Variants in CSMD1 observed in about 807,000 individuals in gnomAD.
The protein encoded by CSMD1 is CUB and Sushi multiple domains 1.
CSMD1 carries 213 observed loss-of-function variants against 417.5 expected under a neutral mutation model. The ratio of observed to expected loss-of-function variants is 0.51; its 90% CI spans 0.46 to 0.57. The LOEUF is 0.57. CSMD1 is among the 20% of genes least tolerant of loss of function. The probability of loss-of-function intolerance (pLI) is 0.00; values close to 1 mark genes in which losing one functional copy is unlikely to be tolerated. For missense variants in CSMD1, 6,923 were observed against 4,529.7 expected, an observed-to-expected ratio of 1.53 and a Z score of -15.17; for synonymous variants, 2,862 against 1,736.8, an observed-to-expected ratio of 1.65 and a Z score of -16.11.
chr8:3,488,992 C>T (rs367955999), intron 11 of CSMD1, among the ~76,000 whole-genome samples: 24 of 152,214 alleles, frequency 1.6e-4, no homozygotes, highest in African/African-American at 3.6e-4. Flanking sequence ...ATTGTTTATG[C>T]TTTCCCCCAA....
In CSMD1 at chr8:3,675,274, C is replaced by T. The variant is rs533372293; in HGVS notation, c.1009+33140G>A. ...CCTGGCTGGCATGTGCGTGCCATTC[C>T]CCTGCTCCTGGAGGGTTGGCAGCAC... On this transcript the variant is annotated intron_variant, in intron 7 of 69. Transcript: ENST00000635120. Among the ~76,000 whole-genome samples the T allele has an allele frequency of 1.6e-4, 25 of 152,294 alleles. No homozygotes were observed. The East Asian group carries it at 4.8e-3, about 29-fold the overall frequency.
rs1482723343 is a variant in CSMD1 at position 4,679,422 on chromosome 8, T to C, written c.86-41864A>G. ...CAACGAATTAAAATAATAATTAAAG[T>C]AGTAATTCCGCCCTGTTTATTTTTA... On this transcript the variant is annotated intron_variant, in intron 1 of 69. Coordinates refer to ENST00000635120, the MANE Select transcript of CSMD1 (RefSeq NM_033225.6). Among the ~76,000 whole-genome samples the C allele has an allele frequency of 4.6e-5, 7 of 152,200 alleles. No individual in the cohort carries two copies. In the East Asian group the frequency reaches 5.8e-4, roughly 13 times the overall value.
intron 1 of CSMD1, among the ~76,000 whole-genome samples, chr8:4,724,467 GTAGCTGGGAGTTCATCTTTA>G (rs927560086): frequency 6.6e-6 from 1 of 151,288 alleles, no homozygotes; most frequent in African/African-American, 2.4e-5. Flanking sequence ...TTACTTATAA[GTAGCTGGGAGTTCATCTTTA>G]TAAGTACTAA....
At chr8:4,758,041 T>G (rs1267530170) in intron 1 of CSMD1, among the ~76,000 whole-genome samples, 1 of 152,012 alleles carries the variant, frequency 6.6e-6, no homozygotes, top group Non-Finnish European at 1.5e-5. Context: ...AAACTCCCTT[T>G]AGGATATCTT....
chr8:2,952,339 C>A (rs1323890368), intron 65 of CSMD1, among the ~76,000 whole-genome samples: 1 of 152,044 alleles, frequency 6.6e-6, no homozygotes, highest in Non-Finnish European at 1.5e-5. Context: ...GTATATTGTT[C>A]CTATACCCAT....
intron 7 of CSMD1, among the ~76,000 whole-genome samples, chr8:3,690,459 T>G (rs1396811681): frequency 6.6e-6 from 1 of 152,232 alleles, no homozygotes. Flanking sequence ...CACAGTAGTG[T>G]TCAAGGCTTC....
Position 3,213,576 on chromosome 8 carries a change from C to G in CSMD1, c.4867+921G>C, listed in dbSNP as rs1231089169. ...TACTAATTTCATTCCTAAGGAATTA[C>G]AAACTATTGCTGTTTTGGGGGGAAA... On this transcript the variant is annotated intron_variant, in intron 30 of 69. Coordinates refer to ENST00000635120, the MANE Select transcript of CSMD1 (RefSeq NM_033225.6). Among the ~76,000 whole-genome samples the G allele has an allele frequency of 5.9e-5, 9 of 152,166 alleles. No homozygotes were observed. The East Asian group carries it at 1.4e-3, about 23-fold the overall frequency.
chr8:4,407,739 T>TA (rs1796401121), intron 3 of CSMD1, among the ~76,000 whole-genome samples: 1 of 152,220 alleles, frequency 6.6e-6, no homozygotes, highest in South Asian at 2.1e-4. Context: ...TTCATGCATG[T>TA]AAGCATTCCT....
chr8:3,759,437 T>G (rs1032991897), intron 5 of CSMD1, among the ~76,000 whole-genome samples: 1 of 152,134 alleles, frequency 6.6e-6, no homozygotes, highest in Non-Finnish European at 1.5e-5. Flanking sequence ...GCTGTTGGAG[T>G]GAGGTTTCCT....
At chr8:4,016,425 T>G (rs1796526301) in intron 4 of CSMD1, among the ~76,000 whole-genome samples, 1 of 152,178 alleles carries the variant, frequency 6.6e-6, no homozygotes, top group Non-Finnish European at 1.5e-5. Context: ...ACCCTGCAGC[T>G]GCACTGAGCC....
chr8:3,869,669 A>T (rs1366346657), intron 5 of CSMD1, among the ~76,000 whole-genome samples: 1 of 152,100 alleles, frequency 6.6e-6, no homozygotes, highest in Non-Finnish European at 1.5e-5. Context: ...TTGCCACAGG[A>T]GGAAAGGTGC....
At chr8:3,581,615 T>C (rs1209657796) in intron 9 of CSMD1, among the ~76,000 whole-genome samples, 2 of 152,166 alleles carry the variant, frequency 1.3e-5, no homozygotes, top group East Asian at 1.9e-4. Context: ...TGAGAATCAG[T>C]CCTTCCTGGA....
chr8:3,376,194 A>T (rs888918832), intron 18 of CSMD1, among the ~76,000 whole-genome samples: 48 of 152,160 alleles, frequency 3.2e-4, no homozygotes, highest in African/African-American at 9.9e-4. Flanking sequence ...TAATAAAAAA[A>T]ATTTTTTGAC....
chr8:4,979,833 C>G (rs1322852258), intron 1 of CSMD1, among the ~76,000 whole-genome samples: 1 of 152,050 alleles, frequency 6.6e-6, no homozygotes, highest in African/African-American at 2.4e-5. Context: ...GTCAGCAGAT[C>G]TAGATCATCC....
At chr8:4,250,851 G>C (rs1226699263) in intron 3 of CSMD1, among the ~76,000 whole-genome samples, 1 of 152,156 alleles carries the variant, frequency 6.6e-6, no homozygotes, top group Non-Finnish European at 1.5e-5. Context: ...TCAACACCTT[G>C]TCACTATTTA....
chr8:3,571,219 T>C (rs1244935089), intron 10 of CSMD1, among the ~76,000 whole-genome samples: 6 of 152,304 alleles, frequency 3.9e-5, no homozygotes, highest in African/African-American at 1.2e-4. Flanking sequence ...TTCTGCATGC[T>C]GTCATCCTAA....
intron 3 of CSMD1, among the ~76,000 whole-genome samples, chr8:4,151,529 T>A (rs1010565945): frequency 4.6e-5 from 7 of 152,244 alleles, no homozygotes; most frequent in Admixed American, 2.6e-4. Flanking sequence ...AGTGAAACTT[T>A]ATCATAGACT....
At position 3,429,407 on chromosome 8, in the gene CSMD1, C is replaced by T. The variant is rs538707026; in HGVS notation, c.1562-19802G>A. On this transcript the variant is annotated intron_variant, in intron 12 of 69. Transcript: ENST00000635120. ...TAGTTAATATATGACATGGCCCTTC[C>T]ACACAGAGGTAGTGACCCAAGGGAA... Among the ~76,000 whole-genome samples, 10 of 152,258 alleles carry T rather than the reference C, an allele frequency of 6.6e-5. No individual in the cohort carries two copies. In the South Asian group the frequency reaches 1.7e-3, roughly 25 times the overall value.
At position 4,725,292 on chromosome 8, in the gene CSMD1, T is replaced by C. The variant is rs548806592; in HGVS notation, c.86-87734A>G. Among the ~76,000 whole-genome samples the C allele has an allele frequency of 2.8e-4, 43 of 152,296 alleles. 1 individual carries two copies. The South Asian group carries it at 8.5e-3, about 30-fold the overall frequency. On this transcript the variant is annotated intron_variant, in intron 1 of 69. Coordinates refer to ENST00000635120, the MANE Select transcript of CSMD1 (RefSeq NM_033225.6). ...CATGAATGACCAAGATCTGATTACTTTTCTTCAACACCATTTTTCCTAATT... is the reference window on the plus strand; with the variant it reads ...CATGAATGACCAAGATCTGATTACTCTTCTTCAACACCATTTTTCCTAATT...
Sources: allele counts gnomAD v4.1 joint callset (sites outside exome capture counted in the v4.1 genomes callset), GRCh38; gene constraint gnomAD v4.1.1; transcripts MANE v1.5; gene names NCBI Gene and HGNC (gene_info 2026-07-23, HGNC 2026-07-21).